NUDT3: variants seen among roughly 807,000 people sequenced by gnomAD.
NUDT3 encodes nudix hydrolase 3, also known as diphosphoinositol polyphosphate phosphohydrolase 1.
In NUDT3, 9 loss-of-function variants were observed where a neutral mutation model predicts 23.6. The observed-to-expected ratio is 0.38, with a 90% CI of 0.23 to 0.66. The LOEUF (loss-of-function observed/expected upper bound fraction) is 0.66. NUDT3 is among the 30% of genes least tolerant of loss of function. The pLI is 0.52. For synonymous variants in NUDT3, 86 were observed against 82.6 expected, an observed-to-expected ratio of 1.04 and a Z score of -0.22; for missense variants, 172 against 218.5, an observed-to-expected ratio of 0.79 and a Z score of 1.34.
chr6:34,320,844 A>G (rs994396539), intron 2 of NUDT3, among the ~76,000 whole-genome samples: 1 of 152,154 alleles, frequency 6.6e-6, no homozygotes, highest in African/African-American at 2.4e-5. Context: ...AAATAAATAA[A>G]TAAATAGTCC....
chr6:34,289,423 T>C (rs774443189), intron 4 of NUDT3, among the ~76,000 whole-genome samples: 3 of 152,156 alleles, frequency 2.0e-5, no homozygotes, highest in African/African-American at 7.2e-5. Flanking sequence ...AAAAATTAGC[T>C]GGGCATGGTA....
Position 34,284,540 on chromosome 6 carries a change from T to G in NUDT3, c.*4213A>C, listed in dbSNP as rs913406210. On this transcript the variant is annotated 3_prime_UTR_variant, in exon 5 of 5. Transcript: ENST00000607016. ...GTGGCTTAGGCTAAGCTGTTTTTTTTTTTTTTTTTTTAAAGATGAGGATGC... is the reference window on the plus strand; with the variant it reads ...GTGGCTTAGGCTAAGCTGTTTTTTTGTTTTTTTTTTTAAAGATGAGGATGC... The G allele has an allele frequency of 1.3e-5, 2 of 151,828 alleles. No individual in the cohort carries two copies. Among genetic ancestry groups the G allele is most frequent in the South Asian group, 2.1e-4 (1 of 4,808 alleles). The allele number at this position is 151,828 out of a possible 1,614,324, so 9.4% of individuals were successfully genotyped here.
chr6:34,312,967 G>A (rs1451509319), intron 2 of NUDT3, among the ~76,000 whole-genome samples: 1 of 152,042 alleles, frequency 6.6e-6, no homozygotes, highest in Non-Finnish European at 1.5e-5. Flanking sequence ...AGGAGTTTGA[G>A]ACCAGCCTGG....
chr6:34,343,308 G>A (rs1211269629), intron 1 of NUDT3, among the ~76,000 whole-genome samples: 2 of 151,442 alleles, frequency 1.3e-5, no homozygotes, highest in Non-Finnish European at 2.9e-5. Flanking sequence ...CCAGCACTTC[G>A]GGAGGCCAAG....
chr6:34,367,585 C>T (rs913013146), intron 1 of NUDT3, among the ~76,000 whole-genome samples: 7 of 151,914 alleles, frequency 4.6e-5, no homozygotes, highest in Admixed American at 2.6e-4. Context: ...ACATAAGTAC[C>T]GTCCAGCATG....
chr6:34,324,758 G>A (rs1763997202), intron 2 of NUDT3, among the ~76,000 whole-genome samples: 1 of 152,150 alleles, frequency 6.6e-6, no homozygotes, highest in South Asian at 2.1e-4. Context: ...CCACTAAAAA[G>A]TCAATCATCT....
rs1763353263 is a variant in NUDT3, at chr6:34,287,630, A to C, written c.*1123T>G. On this transcript the variant is annotated 3_prime_UTR_variant, in exon 5 of 5. Transcript: ENST00000607016. ...TAGTGTACTTTTCAGGAACACGGTT[A>C]CTCAGTTCAGGGACAGGACTACATT... The C allele has an allele frequency of 6.6e-6, 1 of 152,258 alleles. No individual in the cohort carries two copies. The highest frequency in any genetic ancestry group is 6.5e-5 in the Admixed American group (1 of 15,286). The allele number at this position is 152,258 out of a possible 1,614,324, so 9.4% of individuals were successfully genotyped here.
intron 2 of NUDT3, among the ~76,000 whole-genome samples, chr6:34,321,905 A>T (rs1763948035): frequency 6.6e-6 from 1 of 152,192 alleles, no homozygotes; most frequent in Non-Finnish European, 1.5e-5. Flanking sequence ...GTAACTAAGA[A>T]ACTGAATTTT....
chr6:34,335,724 A>G (rs1158705807), intron 2 of NUDT3, among the ~76,000 whole-genome samples: 5 of 151,464 alleles, frequency 3.3e-5, no homozygotes, highest in Non-Finnish European at 1.5e-5. Context: ...GTAAAAAAAA[A>G]AAGTGTTTTT....
At chr6:34,369,649 C>G (rs543115727) in intron 1 of NUDT3, among the ~76,000 whole-genome samples, 83 of 152,306 alleles carry the variant, frequency 5.4e-4, no homozygotes, top group African/African-American at 1.8e-3. Context: ...ACAGGGAAGC[C>G]TTTGGTCTAA....
chr6:34,376,197 C>T (rs894875519), intron 1 of NUDT3, among the ~76,000 whole-genome samples: 1 of 152,198 alleles, frequency 6.6e-6, no homozygotes, highest in East Asian at 1.9e-4. Flanking sequence ...TTTCTCCTGT[C>T]ACCCAGGATC....
chr6:34,392,604 CCCTCTGCCGCCG>C lies in NUDT3; in HGVS notation c.-254_-243del. 3.4e-6 allele frequency: 1 copy of C among 291,678 alleles called. No homozygotes were observed. 18.1% of individuals were successfully genotyped at this position (291,678 alleles called of 1,614,324 possible). ...CTCCGCTGCCGCCAGGGCCGCCGCC[CCCTCTGCCGCCG>C]CCACCCCCGACGACGACCGCGCCGC... On this transcript the variant is annotated 5_prime_UTR_variant, in exon 1 of 5. Coordinates refer to ENST00000607016, the MANE Select transcript of NUDT3 (RefSeq NM_006703.4).
chr6:34,321,564 T>C (rs1025846554), intron 2 of NUDT3, among the ~76,000 whole-genome samples: 24 of 152,212 alleles, frequency 1.6e-4, no homozygotes, highest in Admixed American at 7.9e-4. Context: ...TTTGCATTCA[T>C]CTGATAATCA....
chr6:34,385,709 A>T, intron 1 of NUDT3, among the ~76,000 whole-genome samples: 1 of 147,534 alleles, frequency 6.8e-6, no homozygotes, highest in African/African-American at 2.5e-5. Flanking sequence ...TTTGAGACAG[A>T]CTCTTACTCT....
intron 2 of NUDT3, among the ~76,000 whole-genome samples, chr6:34,329,198 G>GTA (rs1056232679): frequency 2.0e-4 from 31 of 151,958 alleles, no homozygotes; most frequent in Non-Finnish European, 3.7e-4. Context: ...TGTGTGTTGT[G>GTA]TATATATATA....
At chr6:34,340,100 T>C (rs903798890) in intron 2 of NUDT3, among the ~76,000 whole-genome samples, 1 of 152,120 alleles carries the variant, frequency 6.6e-6, no homozygotes, top group African/African-American at 2.4e-5. Flanking sequence ...GAGGTGAAAC[T>C]GTGTGTCCTG....
chr6:34,343,791 G>A (rs1764324253), intron 1 of NUDT3, among the ~76,000 whole-genome samples: 1 of 152,038 alleles, frequency 6.6e-6, no homozygotes. Context: ...ACATAATCAG[G>A]AATGTGAAAA....
At chr6:34,320,005 A>G (rs1469875935) in intron 2 of NUDT3, among the ~76,000 whole-genome samples, 3 of 152,116 alleles carry the variant, frequency 2.0e-5, no homozygotes, top group South Asian at 2.1e-4. Context: ...ATCTATATAT[A>G]TGTGTCAATA....
chr6:34,346,609 T>C (rs1764374574), intron 1 of NUDT3, among the ~76,000 whole-genome samples: 2 of 152,128 alleles, frequency 1.3e-5, no homozygotes, highest in Non-Finnish European at 2.9e-5. Context: ...CTATATGAAC[T>C]AGGACTACAA....
Sources: allele counts gnomAD v4.1 joint callset (sites outside exome capture counted in the v4.1 genomes callset), GRCh38; gene constraint gnomAD v4.1.1; transcripts MANE v1.5; gene names NCBI Gene and HGNC (gene_info 2026-07-23, HGNC 2026-07-21).